The following CAMTA1 variants were observed in gnomAD, a reference collection of about 807,000 sequenced individuals.
CAMTA1 encodes calmodulin-binding transcription activator 1.
CAMTA1 carries 27 observed loss-of-function variants against 170.9 expected under a neutral mutation model. That is an observed-to-expected ratio of 0.16 (90% CI 0.12 to 0.22). The LOEUF (loss-of-function observed/expected upper bound fraction) is 0.22, where lower values mean the gene tolerates loss of function less well. CAMTA1 is among the 10% of genes least tolerant of loss of function. The pLI is 1.00. For missense variants in CAMTA1, 1,619 were observed against 2,217.2 expected, an observed-to-expected ratio of 0.73 and a Z score of 5.42; for synonymous variants, 833 against 891.5, an observed-to-expected ratio of 0.93 and a Z score of 1.17.
chr1:7,531,193 G>A (rs1202515934), intron 6 of CAMTA1, among the ~76,000 whole-genome samples: 1 of 152,070 alleles, frequency 6.6e-6, no homozygotes, highest in Non-Finnish European at 1.5e-5. Context: ...AGGGAGGGAA[G>A]GAGGGAAGGT....
chr1:6,926,320 C>T (rs1258522131), intron 3 of CAMTA1, among the ~76,000 whole-genome samples: 2 of 148,278 alleles, frequency 1.3e-5, no homozygotes, highest in East Asian at 4.1e-4. Flanking sequence ...CTCCTCCCCT[C>T]CCCTCCCCTC....
intron 3 of CAMTA1, among the ~76,000 whole-genome samples, chr1:6,832,099 T>C (rs1002704288): frequency 2.6e-5 from 4 of 152,080 alleles, no homozygotes; most frequent in African/African-American, 7.2e-5. Context: ...ATTTTTTTTT[T>C]TTGAGACAGA....
intron 4 of CAMTA1, among the ~76,000 whole-genome samples, chr1:7,198,135 C>T (rs1440762761): frequency 1.3e-5 from 2 of 152,058 alleles, no homozygotes; most frequent in Non-Finnish European, 2.9e-5. Context: ...ATTGGGGTGA[C>T]CCAAACCCAG....
chr1:6,975,337 G>A (rs1183672405), intron 3 of CAMTA1, among the ~76,000 whole-genome samples: 1 of 152,232 alleles, frequency 6.6e-6, no homozygotes, highest in African/African-American at 2.4e-5. Context: ...GGCATGGTTA[G>A]CGTCACTGCA....
At chr1:7,053,346 C>T (rs1183138993) in intron 3 of CAMTA1, among the ~76,000 whole-genome samples, 1 of 152,180 alleles carries the variant, frequency 6.6e-6, no homozygotes. Flanking sequence ...CTATGCCCAC[C>T]ATCATTAGTT....
intron 5 of CAMTA1, among the ~76,000 whole-genome samples, chr1:7,462,432 T>G (rs2093112179): frequency 6.6e-6 from 1 of 152,116 alleles, no homozygotes; most frequent in Middle Eastern, 3.2e-3. Flanking sequence ...CGCCGGCTAA[T>G]TTTTGTATTT....
Position 6,933,760 on chromosome 1 carries a change from T to G in CAMTA1, c.234+108550T>G, listed in dbSNP as rs757428856. 3.4e-4 allele frequency among the ~76,000 whole-genome samples: 51 copies of G among 152,144 alleles called. 1 individual carries two copies. The highest frequency in any genetic ancestry group is 1.0e-4 in the Non-Finnish European group (7 of 68,018). On this transcript the variant is annotated intron_variant, in intron 3 of 22. Coordinates refer to ENST00000303635, the MANE Select transcript of CAMTA1 (RefSeq NM_015215.4). ...TCCACTGAATTGCATTTTGCCCCTT[T>G]GTAAGAAATCATTTATCCATATATA...
At position 7,528,357 on chromosome 1, in the gene CAMTA1, C is replaced by G. The variant is rs184918999; in HGVS notation, c.510+60456C>G. ...GAAAACTTAGAACCTTCAGAACAGA[C>G]AGGAATAATTTTAAATTAAAATAGC... On this transcript the variant is annotated intron_variant, in intron 6 of 22. Coordinates refer to ENST00000303635, the MANE Select transcript of CAMTA1 (RefSeq NM_015215.4). Among the ~76,000 whole-genome samples the G allele has an allele frequency of 2.0e-5, 3 of 151,864 alleles. No homozygotes were observed. The East Asian group carries it at 5.8e-4, about 29-fold the overall frequency.
chr1:7,301,393 T>C (rs1437218667), intron 5 of CAMTA1, among the ~76,000 whole-genome samples: 1 of 152,364 alleles, frequency 6.6e-6, no homozygotes, highest in Non-Finnish European at 1.5e-5. Context: ...TGAAAATAGA[T>C]GGCTCTGTTG....
chr1:6,980,452 G>T (rs189810462), intron 3 of CAMTA1, among the ~76,000 whole-genome samples: 1 of 152,280 alleles, frequency 6.6e-6, no homozygotes, highest in East Asian at 1.9e-4. Context: ...GAGACTTACA[G>T]ATCTTCATTC....
At chr1:7,148,153 C>G (rs569555313) in intron 4 of CAMTA1, among the ~76,000 whole-genome samples, 1 of 151,568 alleles carries the variant, frequency 6.6e-6, no homozygotes, top group African/African-American at 2.4e-5. Flanking sequence ...ACACACGACA[C>G]AAATGTACAC....
At chr1:7,442,885 G>A (rs945863916) in intron 5 of CAMTA1, among the ~76,000 whole-genome samples, 2 of 152,184 alleles carry the variant, frequency 1.3e-5, no homozygotes, top group Non-Finnish European at 2.9e-5. Flanking sequence ...CAGAGCTGGT[G>A]TTCTTATGGA....
intron 4 of CAMTA1, among the ~76,000 whole-genome samples, chr1:7,101,948 TCAA>T (rs975526199): frequency 2.0e-5 from 3 of 151,398 alleles, no homozygotes; most frequent in African/African-American, 4.9e-5. Flanking sequence ...AAGCAAATAT[TCAA>T]CACATAATGC....
intron 4 of CAMTA1, among the ~76,000 whole-genome samples, chr1:7,223,755 G>C (rs755212209): frequency 1.3e-5 from 2 of 152,192 alleles, no homozygotes; most frequent in African/African-American, 2.4e-5. Context: ...CCCAGCATGT[G>C]TTAAATCTCT....
At chr1:7,758,900 A>G (rs1420701902) in intron 22 of CAMTA1, among the ~76,000 whole-genome samples, 2 of 146,190 alleles carry the variant, frequency 1.4e-5, no homozygotes, top group Non-Finnish European at 3.0e-5. Flanking sequence ...GCGCCACTGC[A>G]GTCCGGCCTG....
At chr1:7,493,530 TAAG>T (rs1557809152) in intron 6 of CAMTA1, among the ~76,000 whole-genome samples, 1 of 151,918 alleles carries the variant, frequency 6.6e-6, no homozygotes, top group Non-Finnish European at 1.5e-5. Flanking sequence ...GGGGCACACA[TAAG>T]AAAGTGCCAA....
chr1:6,813,519 T>C (rs1431709727), intron 1 of CAMTA1, among the ~76,000 whole-genome samples: 1 of 151,976 alleles, frequency 6.6e-6, no homozygotes, highest in East Asian at 1.9e-4. Context: ...GTAGCTTTTA[T>C]CATATTCCTT....
chr1:6,828,347 A>T (rs774667628), intron 3 of CAMTA1, among the ~76,000 whole-genome samples: 4 of 125,074 alleles, frequency 3.2e-5, no homozygotes, highest in Non-Finnish European at 6.3e-5. Flanking sequence ...GCTGGAGTGC[A>T]GTGGCATGAT....
intron 1 of CAMTA1, among the ~76,000 whole-genome samples, chr1:6,805,875 G>C (rs764942273): frequency 6.7e-6 from 1 of 150,034 alleles, no homozygotes; most frequent in African/African-American, 2.5e-5. Flanking sequence ...CCATTTATCT[G>C]TTTTTTTGTT....
Sources: gnomAD v4.1 joint callset for allele counts (sites outside exome capture counted in the v4.1 genomes callset) on GRCh38, gnomAD v4.1.1 for gene constraint, MANE v1.5 for transcripts, NCBI Gene and HGNC (gene_info 2026-07-23, HGNC 2026-07-21) for gene names.